Variants in BANP observed in about 807,000 individuals in gnomAD.
BANP encodes BTG3 associated nuclear protein.
Under a neutral mutation model 68.1 loss-of-function variants are expected in BANP, and 11 were observed. The observed-to-expected ratio is 0.16, with a 90% CI of 0.10 to 0.27. BANP has a LOEUF of 0.27. Among genes scored for constraint, BANP ranks in the 10% least tolerant of loss-of-function variants. The probability of loss-of-function intolerance (pLI) is 1.00; values close to 1 mark genes in which losing one functional copy is unlikely to be tolerated. For synonymous variants in BANP, 329 were observed against 303.2 expected, an observed-to-expected ratio of 1.09 and a Z score of -0.88; for missense variants, 504 against 722.7, an observed-to-expected ratio of 0.70 and a Z score of 3.47.
At chr16:88,023,299 T>A (rs1156313612) in intron 7 of BANP, among the ~76,000 whole-genome samples, 3 of 152,108 alleles carry the variant, frequency 2.0e-5, no homozygotes, top group Non-Finnish European at 2.9e-5. Context: ...GCTAACAGAC[T>A]GAGGACAGGT....
chr16:87,951,741 C>T (rs1479353496), intron 1 of BANP, among the ~76,000 whole-genome samples: 1 of 151,436 alleles, frequency 6.6e-6, no homozygotes, highest in South Asian at 2.1e-4. Context: ...TTCCGCACCC[C>T]CGGCCCCACC....
intron 8 of BANP, among the ~76,000 whole-genome samples, chr16:88,027,995 A>C (rs554966278): frequency 9.2e-5 from 14 of 152,230 alleles, no homozygotes; most frequent in Non-Finnish European, 1.3e-4. Flanking sequence ...CTCCGGGTGA[A>C]GAAGTGGGGT....
chr16:88,065,611 G>A lies in BANP; in HGVS notation c.1377+279G>A, dbSNP rs181589397. 3.0e-3 allele frequency among the ~76,000 whole-genome samples: 463 copies of A among 152,314 alleles called. 1 individual carries two copies. Among genetic ancestry groups the A allele is most frequent in the African/African-American group, 0.011 (444 of 41,568 alleles). Reference sequence around the variant, plus strand: ...ACGCGCTTGCCAGGTGCTTTCTGAAGACACAACAGGAACGGGGGAAGAATT... The same window carrying A: ...ACGCGCTTGCCAGGTGCTTTCTGAAAACACAACAGGAACGGGGGAAGAATT... On this transcript the variant is annotated intron_variant, in intron 12 of 13. Coordinates refer to ENST00000682872, the MANE Select transcript of BANP (RefSeq NM_001386991.1).
intron 2 of BANP, among the ~76,000 whole-genome samples, chr16:87,979,553 C>T (rs562129232): frequency 2.4e-4 from 36 of 152,186 alleles, no homozygotes; most frequent in African/African-American, 8.4e-4. Flanking sequence ...AGGGCTGGGG[C>T]ACAGCACCAG....
intron 4 of BANP, among the ~76,000 whole-genome samples, chr16:87,985,034 G>A (rs1482969579): frequency 1.3e-5 from 2 of 152,200 alleles, no homozygotes; most frequent in African/African-American, 4.8e-5. Flanking sequence ...GACGGCAGCG[G>A]GGGCGCCGGG....
In BANP at chr16:88,044,507, C is replaced by G. The variant is rs567882242; in HGVS notation, c.1311+6496C>G. On this transcript the variant is annotated intron_variant, in intron 11 of 13. Transcript: ENST00000682872. ...CTTTTCTGTTTCTCTTCCTTTTTGT[C>G]TCTTTGAAAACTGGCTATGACACAT... is the stretch of plus-strand genomic sequence containing the variant. Among the ~76,000 whole-genome samples the G allele has an allele frequency of 1.6e-4, 25 of 152,282 alleles. No individual in the cohort carries two copies. The East Asian group carries it at 3.7e-3, about 22-fold the overall frequency.
intron 2 of BANP, among the ~76,000 whole-genome samples, chr16:87,976,313 G>C (rs1341259578): frequency 6.6e-6 from 1 of 152,146 alleles, no homozygotes; most frequent in South Asian, 2.1e-4. Flanking sequence ...CCTTTGCTAA[G>C]GCTGGTATCT....
intron 12 of BANP, among the ~76,000 whole-genome samples, chr16:88,067,528 T>G (rs2152901740): frequency 6.6e-6 from 1 of 152,256 alleles, no homozygotes; most frequent in South Asian, 2.1e-4. Flanking sequence ...CTGCCACCGC[T>G]CAAACCTGAT....
chr16:88,009,732 A>G (rs1466200345), intron 6 of BANP, among the ~76,000 whole-genome samples: 1 of 151,990 alleles, frequency 6.6e-6, no homozygotes, highest in African/African-American at 2.4e-5. Flanking sequence ...AGCTATTGAA[A>G]GCAGGGAACA....
chr16:87,992,891 G>T (rs1429065618), intron 4 of BANP, among the ~76,000 whole-genome samples: 2 of 152,082 alleles, frequency 1.3e-5, no homozygotes, highest in Non-Finnish European at 2.9e-5. Flanking sequence ...GAGTGTGTCC[G>T]CACACTGTTC....
chr16:88,011,752 G>A (rs994232479), intron 6 of BANP, among the ~76,000 whole-genome samples: 4 of 152,104 alleles, frequency 2.6e-5, no homozygotes, highest in African/African-American at 9.7e-5. Context: ...GAGCCCACCG[G>A]GTTTTCAAAG....
intron 3 of BANP, among the ~76,000 whole-genome samples, chr16:87,981,770 G>A (rs1469016138): frequency 1.3e-5 from 2 of 152,230 alleles, no homozygotes; most frequent in African/African-American, 4.8e-5. Context: ...TTCTACCAGT[G>A]ATGAATGACT....
intron 2 of BANP, among the ~76,000 whole-genome samples, chr16:87,976,145 A>G (rs1019553685): frequency 2.1e-4 from 32 of 152,366 alleles, no homozygotes; most frequent in African/African-American, 6.7e-4. Context: ...ACACAACCCT[A>G]TAGAGAAGAT....
chr16:87,965,800 G>T (rs923778905), intron 1 of BANP, among the ~76,000 whole-genome samples: 1 of 152,204 alleles, frequency 6.6e-6, no homozygotes, highest in Non-Finnish European at 1.5e-5. Flanking sequence ...GGCCTTGCCT[G>T]TAGACACATC....
In BANP at chr16:88,004,381, C is replaced by T; in HGVS notation, c.449C>T (p.Ala150Val). Residue 150 changes from alanine (A) to valine (V), a missense_variant, in exon 5 of 14, where the codon GCA becomes GTA. Transcript: ENST00000682872. The surrounding 1 kb of genome is among the most constrained non-coding windows in gnomAD (Gnocchi z 7.0). ...AKMEDPLSNR[A>V]PDSLENVISN... ...ATGGAAGACCCCTTGAGCAACAGGG[C>T]ACCGGATTCCCTGGAAAATGTCATT... 1.3e-6 allele frequency: 2 copies of T among 1,543,898 alleles called. No homozygotes were observed. Among genetic ancestry groups the T allele is most frequent in the East Asian group, 2.4e-5 (1 of 40,892 alleles).
intron 11 of BANP, among the ~76,000 whole-genome samples, chr16:88,052,497 A>T (rs2083477592): frequency 6.6e-6 from 1 of 151,476 alleles, no homozygotes. Context: ...ATACATCCAG[A>T]ACTCAACTCT....
chr16:88,020,606 G>A (rs1174325079), intron 7 of BANP, among the ~76,000 whole-genome samples: 1 of 152,228 alleles, frequency 6.6e-6, no homozygotes, highest in Non-Finnish European at 1.5e-5. Context: ...GCGCAGCCTG[G>A]ACAGAGAGGA....
upstream of BANP, chr16:87,949,359 A>T (rs1447220777): frequency 2.6e-5 from 4 of 152,194 alleles, no homozygotes; most frequent in African/African-American, 7.2e-5. Context: ...TTAATATTTG[A>T]ATGCAGCCGT....
intron 4 of BANP, among the ~76,000 whole-genome samples, chr16:88,001,467 A>G (rs1189047852): frequency 1.3e-5 from 2 of 152,228 alleles, no homozygotes; most frequent in Non-Finnish European, 2.9e-5. Context: ...CACTTTTTCC[A>G]CATCGGTCCT....
Sources: gnomAD v4.1 joint callset for allele counts (sites outside exome capture counted in the v4.1 genomes callset) on GRCh38, gnomAD v4.1.1 for gene constraint, Gnocchi (gnomAD v3.1) non-coding constraint, MANE v1.5 for transcripts, NCBI Gene and HGNC (gene_info 2026-07-23, HGNC 2026-07-21) for gene names.